Variants in MACROD2 observed in about 807,000 individuals in gnomAD.
MACROD2 encodes ADP-ribose glycohydrolase MACROD2.
MACROD2 carries 36 observed loss-of-function variants against 70.4 expected under a neutral mutation model. The observed-to-expected ratio is 0.51, with a 90% CI of 0.39 to 0.68. MACROD2 has a LOEUF of 0.68. Among genes scored for constraint, MACROD2 ranks in the 30% least tolerant of loss-of-function variants. MACROD2 has a pLI of 0.00. For missense variants in MACROD2, 496 were observed against 538.4 expected (o/e 0.92, Z 0.78); for synonymous variants, 172 against 178.8 (o/e 0.96, Z 0.30).
At chr20:14,615,595 G>A (rs1983433246) in intron 4 of MACROD2, among the ~76,000 whole-genome samples, 1 of 152,074 alleles carries the variant, frequency 6.6e-6, no homozygotes, top group Non-Finnish European at 1.5e-5. Flanking sequence ...GAGGTATGAA[G>A]TATAGATTTG....
chr20:15,665,791 T>A (rs552138186), intron 8 of MACROD2, among the ~76,000 whole-genome samples: 1 of 152,314 alleles, frequency 6.6e-6, no homozygotes, highest in Non-Finnish European at 1.5e-5. Flanking sequence ...TTTATACATA[T>A]GAGACTTATT....
At chr20:15,284,455 G>A (rs770708472) in intron 6 of MACROD2, among the ~76,000 whole-genome samples, 19 of 152,132 alleles carry the variant, frequency 1.2e-4, no homozygotes, top group Non-Finnish European at 2.4e-4. Context: ...AATTTTTTGT[G>A]TGGGGGAGGT....
At chr20:15,430,850 T>C (rs566827863) in intron 6 of MACROD2, among the ~76,000 whole-genome samples, 87 of 152,156 alleles carry the variant, frequency 5.7e-4, no homozygotes, top group African/African-American at 2.0e-3. Flanking sequence ...TGTTGAATTT[T>C]ACCTAAAATG....
chr20:15,366,736 G>A (rs1438253214), intron 6 of MACROD2, among the ~76,000 whole-genome samples: 1 of 150,772 alleles, frequency 6.6e-6, no homozygotes, highest in East Asian at 2.0e-4. Context: ...TTATTTCTTA[G>A]TTTCTGTAGA....
At chr20:14,206,506 C>T (rs2081524421) in intron 3 of MACROD2, among the ~76,000 whole-genome samples, 2 of 152,314 alleles carry the variant, frequency 1.3e-5, no homozygotes, top group Admixed American at 6.5e-5. Flanking sequence ...ACAGTCTTTT[C>T]ATAGTTTGCT....
chr20:15,815,646 G>C (rs1256610342), intron 8 of MACROD2, among the ~76,000 whole-genome samples: 2 of 152,058 alleles, frequency 1.3e-5, no homozygotes, highest in Non-Finnish European at 1.5e-5. Flanking sequence ...TCTAAGTTTT[G>C]AAATTTTTTA....
intron 2 of MACROD2, among the ~76,000 whole-genome samples, chr20:14,024,212 T>C (rs1236303841): frequency 2.0e-5 from 3 of 152,204 alleles, no homozygotes; most frequent in Non-Finnish European, 4.4e-5. Context: ...TGTATAGGAA[T>C]GCTTGTGATT....
chr20:14,174,631 C>T (rs1228627495), intron 3 of MACROD2, among the ~76,000 whole-genome samples: 3 of 152,228 alleles, frequency 2.0e-5, no homozygotes, highest in South Asian at 4.1e-4. Context: ...CATGCCTCCC[C>T]ACCTGCCATG....
intron 5 of MACROD2, among the ~76,000 whole-genome samples, chr20:14,979,748 T>C (rs1465165695): frequency 1.3e-5 from 2 of 152,230 alleles, no homozygotes; most frequent in African/African-American, 4.8e-5. Context: ...TTTCTATCCT[T>C]TGTTGTCACG....
At chr20:14,075,792 A>G (rs2053909113) in intron 2 of MACROD2, among the ~76,000 whole-genome samples, 1 of 152,114 alleles carries the variant, frequency 6.6e-6, no homozygotes, top group African/African-American at 2.4e-5. Context: ...AAGGGTCTCA[A>G]GGATCCCCAA....
chr20:14,333,764 A>G (rs2082885267), intron 3 of MACROD2, among the ~76,000 whole-genome samples: 1 of 152,188 alleles, frequency 6.6e-6, no homozygotes, highest in Non-Finnish European at 1.5e-5. Flanking sequence ...ACCACCTGAA[A>G]TCATAAAATA....
chr20:15,960,083 T>A (rs762736472), intron 12 of MACROD2, among the ~76,000 whole-genome samples: 1 of 152,190 alleles, frequency 6.6e-6, no homozygotes, highest in Non-Finnish European at 1.5e-5. Context: ...CTCTAGAGAC[T>A]CAACAACTGT....
intron 12 of MACROD2, among the ~76,000 whole-genome samples, chr20:15,943,738 C>T (rs950695676): frequency 3.3e-5 from 5 of 151,832 alleles, no homozygotes; most frequent in Non-Finnish European, 7.4e-5. Context: ...TATGGTTAAC[C>T]GCCGTACCTA....
chr20:15,019,130 C>G (rs1428822776), intron 5 of MACROD2, among the ~76,000 whole-genome samples: 1 of 152,192 alleles, frequency 6.6e-6, no homozygotes, highest in African/African-American at 2.4e-5. Context: ...GACTTTTATT[C>G]CAGTTTTCCC....
rs1025065381 is a variant in MACROD2, at chr20:15,016,098, C to T, written c.419-213842C>T. On this transcript the variant is annotated intron_variant, in intron 5 of 17. Coordinates refer to ENST00000684519, the MANE Select transcript of MACROD2 (RefSeq NM_001351661.2). ...AAAACCTCTAGCTGAAGTGTTTTTA[C>T]GTCTGCAAGAATTAAAGGTCACAGA... Among the ~76,000 whole-genome samples the T allele has an allele frequency of 3.3e-5, 5 of 152,164 alleles. 1 individual carries two copies. The South Asian group carries it at 6.2e-4, about 19-fold the overall frequency.
intron 5 of MACROD2, among the ~76,000 whole-genome samples, chr20:15,046,043 G>C (rs975602335): frequency 6.6e-6 from 1 of 151,896 alleles, no homozygotes; most frequent in African/African-American, 2.4e-5. Flanking sequence ...GAGATCATCT[G>C]TACGCTCAAG....
At chr20:16,031,875 G>T (rs2067156463) in intron 15 of MACROD2, among the ~76,000 whole-genome samples, 1 of 152,010 alleles carries the variant, frequency 6.6e-6, no homozygotes, top group Non-Finnish European at 1.5e-5. Context: ...GATGAGAGAG[G>T]GTATGAAGTA....
intron 8 of MACROD2, among the ~76,000 whole-genome samples, chr20:15,818,328 G>A (rs1169095455): frequency 1.3e-5 from 2 of 152,138 alleles, no homozygotes; most frequent in African/African-American, 4.8e-5. Context: ...TGAATTATTC[G>A]TGAGTTTCCT....
At chr20:14,011,303 T>C (rs1017887337) in intron 2 of MACROD2, among the ~76,000 whole-genome samples, 1 of 152,182 alleles carries the variant, frequency 6.6e-6, no homozygotes, top group Admixed American at 6.5e-5. Flanking sequence ...CTGGTGTTTA[T>C]CTTTTTCCTT....
Sources: allele counts gnomAD v4.1 joint callset (sites outside exome capture counted in the v4.1 genomes callset), GRCh38; gene constraint gnomAD v4.1.1; transcripts MANE v1.5; gene names NCBI Gene and HGNC (gene_info 2026-07-23, HGNC 2026-07-21).